The following CD200R1L variants were observed in gnomAD, a reference collection of about 807,000 sequenced individuals.
CD200R1L encodes CD200 receptor 1 like.
CD200R1L carries 14 observed loss-of-function variants against 24.8 expected under a neutral mutation model. That is an observed-to-expected ratio of 0.56 (90% CI 0.37 to 0.88). The LOEUF (loss-of-function observed/expected upper bound fraction) is 0.88, where lower values mean the gene tolerates loss of function less well. CD200R1L is among the 40% of genes least tolerant of loss of function. The pLI, the probability that CD200R1L is intolerant of heterozygous loss-of-function variation, is 0.00. For synonymous variants in CD200R1L, 111 were observed against 109.2 expected (o/e 1.02, Z -0.11); for missense variants, 299 against 297.8 (o/e 1.00, Z -0.03).
chr3:112,828,725 A>G (rs1040799230), intron 4 of CD200R1L, among the ~76,000 whole-genome samples: 3 of 152,166 alleles, frequency 2.0e-5, no homozygotes, highest in African/African-American at 7.2e-5. Context: ...TCCTACAAGC[A>G]TCTGCCAACA....
chr3:112,827,865 C>A (rs1938705957), intron 4 of CD200R1L, among the ~76,000 whole-genome samples, 181 bp from the exon 5 acceptor site: 1 of 151,854 alleles, frequency 6.6e-6, no homozygotes, highest in Admixed American at 6.6e-5. Flanking sequence ...TATATTGAAC[C>A]CAATCTAAAG....
rs75197900 is a variant in CD200R1L at position 112,831,608 on chromosome 3, T to C, written c.-17-2224A>G. On this transcript the variant is annotated intron_variant, in intron 3 of 7. Coordinates refer to ENST00000488794, the MANE Select transcript of CD200R1L (RefSeq NM_001199215.3). ...GCATGAGCCCCTAACGCAATACAAT[T>C]GGTGTTTTCATAAAAAGAGCAAATT... Among the ~76,000 whole-genome samples, 2,155 of 152,306 alleles carry C rather than the reference T, an allele frequency of 0.014. 114 individuals carry two copies. In the East Asian group the frequency reaches 0.19, roughly 14 times the overall value.
Position 112,827,142 on chromosome 3 carries a change from C to T in CD200R1L, c.467G>A (p.Gly156Glu). The T allele has an allele frequency of 6.2e-7, 1 of 1,613,564 alleles. No individual in the cohort carries two copies. Among genetic ancestry groups the T allele is most frequent in the Non-Finnish European group, 8.5e-7 (1 of 1,180,024 alleles). ...TTCTTGCTTAGTGGCAAGAATAGAT[C>T]CCTCTGGGATCCAGGAGATCTGGGC... ...PAAQISWIPE[G>E]SILATKQEYW... Residue 156 changes from glycine (G) to glutamate (E), a missense_variant, in exon 6 of 8, where the codon GGA becomes GAA. Gly to Glu is a moderately conservative substitution (Grantham distance 98). Coordinates refer to ENST00000488794, the MANE Select transcript of CD200R1L (RefSeq NM_001199215.3).
intron 6 of CD200R1L, among the ~76,000 whole-genome samples, chr3:112,822,181 A>G (rs1234526310): frequency 1.3e-5 from 2 of 152,218 alleles, no homozygotes; most frequent in Non-Finnish European, 2.9e-5. Context: ...ATATGTATGT[A>G]TTTGGTCTTT....
In CD200R1L at chr3:112,820,008, A is replaced by G. The variant is rs1215560988; in HGVS notation, c.617-113T>C. The G allele has an allele frequency of 4.2e-6, 4 of 958,486 alleles. No individual in the cohort carries two copies. The African/African-American group carries it at 5.1e-5, about 12-fold the overall frequency. The allele number at this position is 958,486 out of a possible 1,614,324, so 59.4% of individuals were successfully genotyped here. ...TATTCTTAAGAGTTCATGGACTGTC[A>G]TAATCATAAAACCTTCTAAATTATG... On this transcript the variant is annotated intron_variant, in intron 6 of 7. Transcript: ENST00000488794.
rs376484982 is a variant in CD200R1L, at chr3:112,827,436, C to T, written c.298G>A (p.Gly100Arg). The change falls in exon 5 of 8, where the codon GGG becomes AGG. Residue 100 changes from glycine (G) to arginine (R), a missense_variant. By Grantham distance (125) the Gly-to-Arg change is moderately radical (BLOSUM62 -2). Transcript: ENST00000488794. Reference protein sequence around the residue: ...QIRPVDTTHDGYYRGIVVTPD... With the variant: ...QIRPVDTTHDRYYRGIVVTPD... ...GTTACCACTATGCCTCTGTAATACC[C>T]GTCATGAGTGGTGTCCACCGGACGA... The T allele has an allele frequency of 2.2e-4, 351 of 1,614,126 alleles. 5 individuals carry two copies. In the South Asian group the frequency reaches 3.4e-3, roughly 16 times the overall value.
chr3:112,843,584 G>C (rs547848605), intron 2 of CD200R1L, among the ~76,000 whole-genome samples: 27 of 152,282 alleles, frequency 1.8e-4, no homozygotes, highest in Non-Finnish European at 2.6e-4. Context: ...GGAAATTTAA[G>C]AACAATGTCT....
rs147118195 is a variant in CD200R1L at position 112,842,983 on chromosome 3, G to A, written c.-87+2696C>T. 1.0e-2 allele frequency among the ~76,000 whole-genome samples: 1,519 copies of A among 152,196 alleles called. 21 individuals are homozygous for A. Among genetic ancestry groups the A allele is most frequent in the African/African-American group, 0.033 (1,389 of 41,516 alleles). On this transcript the variant is annotated intron_variant, in intron 2 of 7. Transcript: ENST00000488794. ...GACCCTTATCAGTAGTTCTGCTTTTGCCTTTTGTCCTGTTCCCTCAGAAGC... is the reference window on the plus strand; with the variant it reads ...GACCCTTATCAGTAGTTCTGCTTTTACCTTTTGTCCTGTTCCCTCAGAAGC...
At chr3:112,829,254 A>G in intron 4 of CD200R1L, 65 bp downstream of exon 4, 1 of 1,265,712 alleles carries the variant, frequency 7.9e-7, no homozygotes, top group African/African-American at 1.5e-5. Context: ...GCCATCAGCT[A>G]ATGATTCTAC....
At chr3:112,820,007 C>T (rs1258203536) in intron 6 of CD200R1L, 112 bp from the exon 7 acceptor site, 2 of 960,264 alleles carry the variant, frequency 2.1e-6, no homozygotes. Flanking sequence ...CATGGACTGT[C>T]ATAATCATAA....
At chr3:112,820,033 G>T (rs1056493006) in intron 6 of CD200R1L, 138 bp from the exon 7 acceptor site, 1 of 720,878 alleles carries the variant, frequency 1.4e-6, no homozygotes, top group East Asian at 3.2e-5. Flanking sequence ...TCTAAATTAT[G>T]ACTCAAATGT....
chr3:112,833,708 C>G (rs1938866453), intron 3 of CD200R1L, among the ~76,000 whole-genome samples: 1 of 152,176 alleles, frequency 6.6e-6, no homozygotes, highest in African/African-American at 2.4e-5. Flanking sequence ...CACTGTTATA[C>G]TGTCATCTCT....
intron 6 of CD200R1L, among the ~76,000 whole-genome samples, chr3:112,825,652 C>T (rs1010736000): frequency 1.7e-4 from 26 of 151,616 alleles, no homozygotes; most frequent in African/African-American, 6.3e-4. Context: ...TGAGTAGAAG[C>T]CAAGAGTTAA....
intron 2 of CD200R1L, 112 bp from the exon 3 acceptor site, chr3:112,838,122 T>G (rs530499324): frequency 5.2e-5 from 16 of 309,548 alleles, no homozygotes; most frequent in South Asian, 5.0e-4. Flanking sequence ...AACATTTCAA[T>G]TCCTTAAATT....
chr3:112,836,485 TA>T (rs1938949991), intron 3 of CD200R1L, among the ~76,000 whole-genome samples: 1 of 152,202 alleles, frequency 6.6e-6, no homozygotes, highest in Non-Finnish European at 1.5e-5. Flanking sequence ...TAAATATGCA[TA>T]AATCAGGAAG....
intron 3 of CD200R1L, among the ~76,000 whole-genome samples, chr3:112,834,981 C>T (rs1406564615): frequency 3.9e-5 from 6 of 152,212 alleles, no homozygotes; most frequent in Non-Finnish European, 8.8e-5. Flanking sequence ...TCAGGGAGCT[C>T]CTAGGTCTGG....
At chr3:112,826,946 A>T in intron 6 of CD200R1L, 47 bp downstream of exon 6, 1 of 1,505,264 alleles carries the variant, frequency 6.6e-7, no homozygotes. Context: ...CTATGGAAGA[A>T]AAAGTTGAGC....
At chr3:112,821,097 A>G (rs1485436789) in intron 6 of CD200R1L, among the ~76,000 whole-genome samples, 1 of 151,862 alleles carries the variant, frequency 6.6e-6, no homozygotes, top group Non-Finnish European at 1.5e-5. Context: ...AGAAAAAGAA[A>G]TTGGCCACCT....
chr3:112,817,830 A>T (rs1170211661), intron 7 of CD200R1L, among the ~76,000 whole-genome samples: 1 of 152,252 alleles, frequency 6.6e-6, no homozygotes, highest in Non-Finnish European at 1.5e-5. Context: ...GCTGATAAAG[A>T]CATACCGAAA....
Sources: gnomAD v4.1 joint callset for allele counts (sites outside exome capture counted in the v4.1 genomes callset) on GRCh38, gnomAD v4.1.1 for gene constraint, MANE v1.5 for transcripts, NCBI Gene and HGNC (gene_info 2026-07-23, HGNC 2026-07-21) for gene names.